The following SUPT3H variants were observed in gnomAD, a reference collection of about 807,000 sequenced individuals.
The protein encoded by SUPT3H is transcription initiation protein SPT3 homolog.
A neutral mutation model predicts 44.3 loss-of-function variants in SUPT3H; 44 were observed. The observed-to-expected ratio is 0.99, with a 90% CI of 0.78 to 1.28. The LOEUF (loss-of-function observed/expected upper bound fraction) is 1.28, where lower values mean the gene tolerates loss of function less well. Ranked by LOEUF, SUPT3H falls within the 50% of genes most tolerant of loss-of-function variation. SUPT3H has a pLI of 0.00. For missense variants in SUPT3H, 380 were observed against 387.1 expected, an observed-to-expected ratio of 0.98 and a Z score of 0.15; for synonymous variants, 124 against 125.6, an observed-to-expected ratio of 0.99 and a Z score of 0.09.
rs76966316 is a variant in SUPT3H at position 45,166,670 on chromosome 6, G to A, written c.102-60664C>T. Among the ~76,000 whole-genome samples the A allele has an allele frequency of 7.0e-3, 1,062 of 151,192 alleles. 19 individuals are homozygous for A. Among genetic ancestry groups the A allele is most frequent in the African/African-American group, 0.024 (1,010 of 41,304 alleles). Reference sequence around the variant, plus strand: ...GAGTAATATCACGACTCAGTAAAAGGATAAAACAAAAAGCAAAATCCCCAA... The same window carrying A: ...GAGTAATATCACGACTCAGTAAAAGAATAAAACAAAAAGCAAAATCCCCAA... On this transcript the variant is annotated intron_variant, in intron 2 of 10. Coordinates refer to ENST00000371459, the MANE Select transcript of SUPT3H (RefSeq NM_003599.4).
intron 10 of SUPT3H, among the ~76,000 whole-genome samples, chr6:44,869,137 C>A (rs1775953288): frequency 6.6e-6 from 1 of 152,160 alleles, no homozygotes; most frequent in African/African-American, 2.4e-5. Context: ...TCTAGCAGTG[C>A]CAGCTCTTGT....
At chr6:45,119,619 A>G (rs1801320950) in intron 2 of SUPT3H, among the ~76,000 whole-genome samples, 1 of 152,218 alleles carries the variant, frequency 6.6e-6, no homozygotes. Flanking sequence ...ATTTGTGGGC[A>G]TAATGTTAAC....
intron 6 of SUPT3H, among the ~76,000 whole-genome samples, chr6:44,979,378 C>T (rs937653395): frequency 6.6e-6 from 1 of 152,118 alleles, no homozygotes; most frequent in Non-Finnish European, 1.5e-5. Context: ...CAAAATTCTT[C>T]AAATTAGTAT....
intron 2 of SUPT3H, among the ~76,000 whole-genome samples, chr6:45,172,674 C>T (rs1471359671): frequency 2.0e-5 from 3 of 151,216 alleles, no homozygotes; most frequent in Non-Finnish European, 4.4e-5. Context: ...TCGCTACAAC[C>T]TCTGCCTCCC....
chr6:44,838,796 G>A (rs1294847666), intron 10 of SUPT3H, among the ~76,000 whole-genome samples: 1 of 152,148 alleles, frequency 6.6e-6, no homozygotes, highest in East Asian at 1.9e-4. Flanking sequence ...GAACTGCTGT[G>A]GACTGACAAT....
In SUPT3H at chr6:45,190,403, T is replaced by C. The variant is rs144299072; in HGVS notation, c.102-84397A>G. 1.3e-3 allele frequency among the ~76,000 whole-genome samples: 192 copies of C among 152,136 alleles called. 1 individual carries two copies. Among genetic ancestry groups the C allele is most frequent in the Middle Eastern group, 6.8e-3 (2 of 292 alleles). On this transcript the variant is annotated intron_variant, in intron 2 of 10. Coordinates refer to ENST00000371459, the MANE Select transcript of SUPT3H (RefSeq NM_003599.4). ...TTCCCAAAGCAACACACACCAAGAA[T>C]AAGATAAACCAAAAACCTAACATTT... is the stretch of plus-strand genomic sequence containing the variant.
chr6:45,089,481 C>A (rs763020271), intron 3 of SUPT3H, among the ~76,000 whole-genome samples: 5 of 151,954 alleles, frequency 3.3e-5, no homozygotes. Context: ...TCTTCTTCTG[C>A]GTCTCTCATC....
intron 2 of SUPT3H, among the ~76,000 whole-genome samples, chr6:45,295,394 G>A (rs939266997): frequency 2.6e-5 from 4 of 151,822 alleles, no homozygotes; most frequent in Admixed American, 2.6e-4. Flanking sequence ...AGTTCCAGAA[G>A]GTAACATTGG....
intron 2 of SUPT3H, among the ~76,000 whole-genome samples, chr6:45,258,589 A>G (rs1773798475): frequency 6.6e-6 from 1 of 152,206 alleles, no homozygotes; most frequent in Non-Finnish European, 1.5e-5. Flanking sequence ...TTATTTGCAT[A>G]AGTATGAGTA....
chr6:45,015,197 A>T (rs970660310), intron 4 of SUPT3H, among the ~76,000 whole-genome samples: 2 of 152,162 alleles, frequency 1.3e-5, no homozygotes, highest in Non-Finnish European at 2.9e-5. Context: ...TTTTGTGAAC[A>T]TCACTGAATA....
downstream of SUPT3H, among the ~76,000 whole-genome samples, chr6:44,823,416 A>G (rs1198421213): frequency 2.0e-5 from 3 of 152,154 alleles, no homozygotes; most frequent in Admixed American, 2.0e-4. Flanking sequence ...TTGATTTTGC[A>G]TACTGCTAAC....
At chr6:45,375,570 A>C (rs1796663973) in intron 1 of SUPT3H, among the ~76,000 whole-genome samples, 1 of 151,310 alleles carries the variant, frequency 6.6e-6, no homozygotes, top group Admixed American at 6.6e-5. Flanking sequence ...TAAAGAGACA[A>C]GGTCTCCCTC....
At chr6:45,135,555 T>TG (rs1432763621) in intron 2 of SUPT3H, among the ~76,000 whole-genome samples, 1 of 152,254 alleles carries the variant, frequency 6.6e-6, no homozygotes, top group Non-Finnish European at 1.5e-5. Context: ...CCGCCTCTTA[T>TG]GAAGCCCTAG....
At chr6:45,004,789 T>C (rs1188094310) in intron 5 of SUPT3H, among the ~76,000 whole-genome samples, 8 of 152,210 alleles carry the variant, frequency 5.3e-5, no homozygotes, top group Non-Finnish European at 1.2e-4. Context: ...ATATTCCTTC[T>C]ATTTCTTTCT....
chr6:45,370,290 G>C (rs1581980497), intron 1 of SUPT3H, among the ~76,000 whole-genome samples: 1 of 152,100 alleles, frequency 6.6e-6, no homozygotes, highest in Admixed American at 6.6e-5. Context: ...GATTACACGT[G>C]GGGTGTGAGA....
At chr6:45,179,411 C>A (rs1812676452) in intron 2 of SUPT3H, among the ~76,000 whole-genome samples, 1 of 152,164 alleles carries the variant, frequency 6.6e-6, no homozygotes, top group South Asian at 2.1e-4. Context: ...CAAAGCCGGG[C>A]AGAGACACAA....
At chr6:45,365,564 G>A (rs994173809) in intron 1 of SUPT3H, among the ~76,000 whole-genome samples, 6 of 151,000 alleles carry the variant, frequency 4.0e-5, no homozygotes, top group African/African-American at 1.5e-4. Context: ...AATAGGTAAT[G>A]TAAAAACAGT....
rs541690946 is a variant in SUPT3H at position 44,886,226 on chromosome 6, A to G, written c.912+46427T>C. Among the ~76,000 whole-genome samples the G allele has an allele frequency of 8.5e-5, 13 of 152,306 alleles. No individual in the cohort carries two copies. The East Asian group carries it at 2.5e-3, about 29-fold the overall frequency. The stretch of plus-strand genomic sequence containing the variant: ...TTATCCAGGAGAACTTCCCCAATCT[A>G]GCAAGGCAGGCCAACGTTCAGATTC... On this transcript the variant is annotated intron_variant, in intron 10 of 10. Coordinates refer to ENST00000371459, the MANE Select transcript of SUPT3H (RefSeq NM_003599.4).
chr6:45,119,131 C>T (rs745877018), intron 2 of SUPT3H, among the ~76,000 whole-genome samples: 43 of 152,060 alleles, frequency 2.8e-4, no homozygotes, highest in Non-Finnish European at 5.0e-4. Flanking sequence ...TGAGGTTTCA[C>T]AATGTTTTGT....
Sources: gnomAD v4.1 joint callset for allele counts (sites outside exome capture counted in the v4.1 genomes callset) on GRCh38, gnomAD v4.1.1 for gene constraint, MANE v1.5 for transcripts, NCBI Gene and HGNC (gene_info 2026-07-23, HGNC 2026-07-21) for gene names.